The following DENND1B variants were observed in gnomAD, a reference collection of about 807,000 sequenced individuals.
DENND1B encodes the protein DENN domain-containing protein 1B.
Under a neutral mutation model 90.1 loss-of-function variants are expected in DENND1B, and 59 were observed. The ratio of observed to expected loss-of-function variants is 0.65; its 90% CI spans 0.53 to 0.81. DENND1B has a LOEUF of 0.81. Among genes scored for constraint, DENND1B ranks in the 40% least tolerant of loss-of-function variants. The probability of loss-of-function intolerance (pLI) is 0.00; values close to 1 mark genes in which losing one functional copy is unlikely to be tolerated. For missense variants in DENND1B, 862 were observed against 912.6 expected (o/e 0.94, Z 0.71); for synonymous variants, 337 against 324.6 (o/e 1.04, Z -0.41).
intron 7 of DENND1B, among the ~76,000 whole-genome samples, chr1:197,649,149 A>AT (rs1652825816): frequency 6.6e-6 from 1 of 152,106 alleles, no homozygotes; most frequent in African/African-American, 2.4e-5. Context: ...GGAAAGCATG[A>AT]TGTTCATTCA....
intron 15 of DENND1B, among the ~76,000 whole-genome samples, chr1:197,565,974 G>A (rs1672623207): frequency 6.6e-6 from 1 of 151,794 alleles, no homozygotes; most frequent in Non-Finnish European, 1.5e-5. Flanking sequence ...CTTTATAGCA[G>A]CATGATTTAT....
intron 3 of DENND1B, among the ~76,000 whole-genome samples, chr1:197,687,002 T>C (rs1657314974): frequency 6.6e-6 from 1 of 152,218 alleles, no homozygotes; most frequent in South Asian, 2.1e-4. Flanking sequence ...ATAAAAGAGC[T>C]GTATTGAGGA....
At chr1:197,697,792 T>G (rs752973275) in intron 3 of DENND1B, among the ~76,000 whole-genome samples, 14 of 151,898 alleles carry the variant, frequency 9.2e-5, no homozygotes, top group Non-Finnish European at 1.9e-4. Flanking sequence ...AAATAGACTT[T>G]AAACCAACAA....
intron 10 of DENND1B, among the ~76,000 whole-genome samples, chr1:197,626,516 C>A (rs1678744318): frequency 6.6e-6 from 1 of 152,164 alleles, no homozygotes; most frequent in Admixed American, 6.5e-5. Flanking sequence ...CTCTGGGACA[C>A]ATTCAAAGCA....
At position 197,672,155 on chromosome 1, in the gene DENND1B, C is replaced by A; in HGVS notation, c.178G>T (p.Val60Leu). 2 of 1,602,024 alleles carry A rather than the reference C, an allele frequency of 1.2e-6. No homozygotes were observed. The highest frequency in any genetic ancestry group is 1.1e-5 in the South Asian group (1 of 88,352). ...TGCTGTCCAACTTGATTCTGAGACACCCTAAAATATAGTAACATTAGGAAA... is the reference window on the plus strand; with the variant it reads ...TGCTGTCCAACTTGATTCTGAGACAACCTAAAATATAGTAACATTAGGAAA... ...KFCFPFDVER[V>L]SQNQVGQHFT... The change falls in exon 5 of 23, where the codon GTG (valine) becomes TTG (leucine). Residue 60 changes from valine to leucine, a missense_variant and splice_region_variant. By Grantham distance (32) the Val-to-Leu change is conservative (BLOSUM62 1). Coordinates refer to ENST00000620048, the MANE Select transcript of DENND1B (RefSeq NM_001195215.2).
At chr1:197,635,464 G>A (rs1489038320) in intron 10 of DENND1B, among the ~76,000 whole-genome samples, 1 of 151,310 alleles carries the variant, frequency 6.6e-6, no homozygotes, top group Non-Finnish European at 1.5e-5. Context: ...AGCCTCCCGA[G>A]TATCTGGGAT....
intron 5 of DENND1B, among the ~76,000 whole-genome samples, chr1:197,669,914 A>AT (rs1420564796): frequency 9.9e-5 from 15 of 152,230 alleles, no homozygotes; most frequent in African/African-American, 3.6e-4. Context: ...ATATAATCAT[A>AT]TTTTCTGCAG....
At chr1:197,575,876 G>A (rs980505029) in intron 15 of DENND1B, among the ~76,000 whole-genome samples, 24 of 152,146 alleles carry the variant, frequency 1.6e-4, no homozygotes, top group Non-Finnish European at 3.1e-4. Flanking sequence ...GGTAGGAACT[G>A]AACAATGAGA....
intron 16 of DENND1B, among the ~76,000 whole-genome samples, chr1:197,548,821 T>G (rs1671006999): frequency 6.6e-6 from 1 of 152,046 alleles, no homozygotes; most frequent in Admixed American, 6.6e-5. Flanking sequence ...TAGAGAGAAT[T>G]ACCGGTAATA....
At chr1:197,615,600 C>T (rs539957579) in intron 11 of DENND1B, among the ~76,000 whole-genome samples, 1 of 150,986 alleles carries the variant, frequency 6.6e-6, no homozygotes, top group South Asian at 2.1e-4. Context: ...TTCCCTTTTA[C>T]ATGTAGATCA....
intron 16 of DENND1B, among the ~76,000 whole-genome samples, chr1:197,548,681 T>C (rs755124435): frequency 8.6e-4 from 131 of 152,228 alleles, no homozygotes; most frequent in African/African-American, 3.1e-3. Context: ...AAAAACTCCC[T>C]CTAAGACTGC....
chr1:197,649,938 T>C (rs2488390), intron 7 of DENND1B, among the ~76,000 whole-genome samples: 31,230 of 152,020 alleles, frequency 0.21, 3,333 homozygotes, highest in African/African-American at 0.23. Context: ...AGACAACACA[T>C]AGAATGGGAG....
At chr1:197,732,495 T>C (rs932024035) in intron 2 of DENND1B, among the ~76,000 whole-genome samples, 15 of 152,310 alleles carry the variant, frequency 9.8e-5, no homozygotes, top group Admixed American at 3.9e-4. Flanking sequence ...GAAATGTGTA[T>C]TGTTACCAAA....
At chr1:197,727,651 G>T (rs1661772012) in intron 2 of DENND1B, among the ~76,000 whole-genome samples, 1 of 152,018 alleles carries the variant, frequency 6.6e-6, no homozygotes, top group African/African-American at 2.4e-5. Context: ...AGGCCAATTG[G>T]ACTGGATTCT....
Position 197,584,874 on chromosome 1 carries a change from T to C in DENND1B, c.1048-1621A>G, listed in dbSNP as rs368139323. ...TTTCTGTAGAGAAAGGGTTTCGCTA[T>C]GTTGCCCAGGTTGGTCTCAAACTCC... On this transcript the variant is annotated intron_variant, in intron 14 of 22. Transcript: ENST00000620048. Among the ~76,000 whole-genome samples, 125 of 152,218 alleles carry C rather than the reference T, an allele frequency of 8.2e-4. 1 individual carries two copies. Among genetic ancestry groups the C allele is most frequent in the African/African-American group, 2.9e-3 (120 of 41,536 alleles).
chr1:197,569,550 A>T (rs949664724), intron 15 of DENND1B, among the ~76,000 whole-genome samples: 1 of 125,222 alleles, frequency 8.0e-6, no homozygotes, highest in African/African-American at 3.1e-5. Flanking sequence ...GAATACAAAA[A>T]GAAAATGTGG....
At chr1:197,715,562 A>G (rs982301197) in intron 2 of DENND1B, among the ~76,000 whole-genome samples, 1 of 151,908 alleles carries the variant, frequency 6.6e-6, no homozygotes, top group Non-Finnish European at 1.5e-5. Flanking sequence ...AACTGTAATA[A>G]TATTTGCCTT....
chr1:197,762,025 T>A (rs1165697676), intron 2 of DENND1B: 7 of 152,194 alleles, frequency 4.6e-5, no homozygotes, highest in African/African-American at 1.4e-4. Context: ...AAATCTTCAG[T>A]AGGAATTGAT....
At position 197,755,310 on chromosome 1, in the gene DENND1B, T is replaced by A. The variant is rs79210844; in HGVS notation, c.82+17558A>T. Among the ~76,000 whole-genome samples, 769 of 152,186 alleles carry A rather than the reference T, an allele frequency of 5.1e-3. 8 individuals are homozygous for A. The highest frequency in any genetic ancestry group is 0.017 in the African/African-American group (712 of 41,540). Reference sequence around the variant, plus strand: ...GCCTACCAAAAGATAGGTATGAGAATCAAATAAATAATTCATATGAAAAAT... The same window carrying A: ...GCCTACCAAAAGATAGGTATGAGAAACAAATAAATAATTCATATGAAAAAT... On this transcript the variant is annotated intron_variant, in intron 2 of 22. Coordinates refer to ENST00000620048, the MANE Select transcript of DENND1B (RefSeq NM_001195215.2).
Sources: allele counts gnomAD v4.1 joint callset (sites outside exome capture counted in the v4.1 genomes callset), GRCh38; gene constraint gnomAD v4.1.1; transcripts MANE v1.5; gene names NCBI Gene and HGNC (gene_info 2026-07-23, HGNC 2026-07-21).